Variants in PPFIA2 observed in about 807,000 individuals in gnomAD.
The protein encoded by PPFIA2 is liprin-alpha-2.
PPFIA2 carries 46 observed loss-of-function variants against 175.5 expected under a neutral mutation model. The observed-to-expected ratio is 0.26, with a 90% CI of 0.21 to 0.34. PPFIA2 has a LOEUF of 0.34. Among genes scored for constraint, PPFIA2 ranks in the 10% least tolerant of loss-of-function variants. PPFIA2 has a pLI of 1.00. For synonymous variants in PPFIA2, 568 were observed against 511.4 expected, an observed-to-expected ratio of 1.11 and a Z score of -1.49; for missense variants, 1,179 against 1,506.1, an observed-to-expected ratio of 0.78 and a Z score of 3.60.
chr12:81,302,004 C>T (rs1195710311), intron 22 of PPFIA2, among the ~76,000 whole-genome samples: 1 of 152,108 alleles, frequency 6.6e-6, no homozygotes, highest in African/African-American at 2.4e-5. Context: ...TTTTCATATG[C>T]TCTGTTCAGA....
At chr12:81,270,900 C>T (rs1218740421) in intron 28 of PPFIA2, 1 of 152,164 alleles carries the variant, frequency 6.6e-6, no homozygotes, top group Admixed American at 6.5e-5. Flanking sequence ...TAGATGTATA[C>T]TAATTTGCTA....
chr12:81,556,367 T>C (rs1163291035), intron 4 of PPFIA2, among the ~76,000 whole-genome samples: 1 of 151,916 alleles, frequency 6.6e-6, no homozygotes, highest in Non-Finnish European at 1.5e-5. Flanking sequence ...ATTGGGGTCC[T>C]AACATTTTAA....
intron 4 of PPFIA2, among the ~76,000 whole-genome samples, chr12:81,633,123 G>A (rs1050376049): frequency 7.2e-5 from 11 of 152,084 alleles, no homozygotes; most frequent in Admixed American, 5.9e-4. Context: ...TGGCATTTGT[G>A]CTCAGGCTTC....
intron 3 of PPFIA2, among the ~76,000 whole-genome samples, chr12:81,715,194 A>G (rs976034819): frequency 9.2e-5 from 14 of 151,524 alleles, no homozygotes; most frequent in Non-Finnish European, 1.3e-4. Context: ...AAATAACACA[A>G]TTTGTACATA....
chr12:81,368,688 A>G (rs2034252634), intron 13 of PPFIA2, 37 bp downstream of exon 13: 1 of 1,579,734 alleles, frequency 6.3e-7, no homozygotes, highest in South Asian at 1.1e-5. Flanking sequence ...TGAGCATTGC[A>G]AAATATTCAT....
chr12:81,314,537 A>G (rs1401724247), intron 22 of PPFIA2, among the ~76,000 whole-genome samples: 16 of 151,922 alleles, frequency 1.1e-4, no homozygotes, highest in Non-Finnish European at 1.5e-5. Context: ...CCTTGCCAAC[A>G]TCAGCATATA....
At chr12:81,380,235 T>G (rs1352026378) in intron 9 of PPFIA2, among the ~76,000 whole-genome samples, 1 of 152,076 alleles carries the variant, frequency 6.6e-6, no homozygotes, top group Non-Finnish European at 1.5e-5. Context: ...CATCGTGACA[T>G]GTGCCCTGTA....
intron 22 of PPFIA2, 105 bp from the exon 23 acceptor site, chr12:81,299,487 T>G: frequency 7.1e-7 from 1 of 1,408,614 alleles, no homozygotes; most frequent in South Asian, 1.5e-5. Context: ...TTACAAGATT[T>G]TTTATGATAC....
At chr12:81,648,295 TTAAAA>T (rs1237221654) in intron 4 of PPFIA2, among the ~76,000 whole-genome samples, 1 of 151,948 alleles carries the variant, frequency 6.6e-6, no homozygotes, top group Admixed American at 6.6e-5. Flanking sequence ...GGGAAAATTA[TTAAAA>T]TGAAATGAAA....
intron 4 of PPFIA2, chr12:81,546,515 T>C (rs887597217): frequency 6.6e-6 from 1 of 152,172 alleles, no homozygotes; most frequent in South Asian, 2.1e-4. Flanking sequence ...AGAATTACCA[T>C]GTACATCTAG....
chr12:81,632,655 G>A (rs2063523436), intron 4 of PPFIA2, among the ~76,000 whole-genome samples: 1 of 150,846 alleles, frequency 6.6e-6, no homozygotes, highest in African/African-American at 2.4e-5. Context: ...TTTAACTCCT[G>A]GTAGGAATTA....
intron 3 of PPFIA2, among the ~76,000 whole-genome samples, chr12:81,694,245 A>G (rs184267007): frequency 2.0e-5 from 3 of 152,274 alleles, no homozygotes; most frequent in East Asian, 3.9e-4. Flanking sequence ...CAATGGAAAA[A>G]GGCCTCAAAA....
intron 9 of PPFIA2, among the ~76,000 whole-genome samples, chr12:81,381,300 T>C (rs1357442290): frequency 6.6e-6 from 1 of 152,138 alleles, no homozygotes; most frequent in African/African-American, 2.4e-5. Flanking sequence ...CCCATTAGAA[T>C]GGATTCTTAA....
chr12:81,430,084 T>C (rs1318248543), intron 7 of PPFIA2: 4 of 152,110 alleles, frequency 2.6e-5, no homozygotes, highest in Non-Finnish European at 5.9e-5. Flanking sequence ...CTACACTACA[T>C]GTTCTATTTT....
At chr12:81,351,385 C>T (rs1198744383) in intron 17 of PPFIA2, among the ~76,000 whole-genome samples, 1 of 151,980 alleles carries the variant, frequency 6.6e-6, no homozygotes, top group Non-Finnish European at 1.5e-5. Flanking sequence ...AATGTTCGCA[C>T]ATATGTCCCC....
At chr12:81,740,364 T>C (rs994373739) in intron 3 of PPFIA2, among the ~76,000 whole-genome samples, 3 of 152,190 alleles carry the variant, frequency 2.0e-5, no homozygotes, top group Admixed American at 1.3e-4. Flanking sequence ...AAACAGCAAG[T>C]AGTAAGGGTT....
chr12:81,376,341 C>T (rs2036349523), intron 9 of PPFIA2, among the ~76,000 whole-genome samples: 1 of 151,374 alleles, frequency 6.6e-6, no homozygotes, highest in Non-Finnish European at 1.5e-5. Flanking sequence ...AAGCAGTCTT[C>T]AAATAGATAA....
chr12:81,648,636 G>A (rs1331550401), intron 4 of PPFIA2, among the ~76,000 whole-genome samples: 1 of 151,480 alleles, frequency 6.6e-6, no homozygotes, highest in Non-Finnish European at 1.5e-5. Context: ...TTTTGTTTAT[G>A]TAGAAATTGA....
intron 4 of PPFIA2, among the ~76,000 whole-genome samples, chr12:81,462,230 T>C (rs1387264585): frequency 6.8e-6 from 1 of 145,990 alleles, no homozygotes; most frequent in Non-Finnish European, 1.5e-5. Context: ...GGCAATGACA[T>C]TATTGTCTGC....
Sources: allele counts gnomAD v4.1 joint callset (sites outside exome capture counted in the v4.1 genomes callset), GRCh38; gene constraint gnomAD v4.1.1; transcripts MANE v1.5; gene names NCBI Gene and HGNC (gene_info 2026-07-23, HGNC 2026-07-21).